Variants in RTN4 observed in about 807,000 individuals in gnomAD.
RTN4 encodes the protein reticulon-4.
A neutral mutation model predicts 90.4 loss-of-function variants in RTN4; 32 were observed. The ratio of observed to expected loss-of-function variants is 0.35; its 90% CI spans 0.27 to 0.48. The LOEUF is 0.48. RTN4 is among the 20% of genes least tolerant of loss of function. The pLI, the probability that RTN4 is intolerant of heterozygous loss-of-function variation, is 0.99. For missense variants in RTN4, 1,706 were observed against 1,430.2 expected, an observed-to-expected ratio of 1.19 and a Z score of -3.11; for synonymous variants, 629 against 552.5, an observed-to-expected ratio of 1.14 and a Z score of -1.94.
At chr2:55,022,959 C>T (rs1216227270) in intron 3 of RTN4, among the ~76,000 whole-genome samples, 1 of 151,196 alleles carries the variant, frequency 6.6e-6, no homozygotes, top group Non-Finnish European at 1.5e-5. Context: ...CATTCTTTCT[C>T]TCCCCTACTT....
At chr2:55,049,418 C>G (rs1335386474) in intron 1 of RTN4, 1 of 358,156 alleles carries the variant, frequency 2.8e-6, no homozygotes, top group Non-Finnish European at 5.4e-6. Flanking sequence ...AACCCTGGCT[C>G]TCGGGTATAT....
chr2:55,086,627 A>C (rs1439355997), intron 1 of RTN4, among the ~76,000 whole-genome samples: 1 of 151,994 alleles, frequency 6.6e-6, no homozygotes, highest in Non-Finnish European at 1.5e-5. Context: ...CTGTGATCAC[A>C]CTACTGCACT....
chr2:55,083,184 T>C (rs1321314242), intron 1 of RTN4, among the ~76,000 whole-genome samples: 1 of 152,190 alleles, frequency 6.6e-6, no homozygotes, highest in African/African-American at 2.4e-5. Context: ...ATTGCTTGCT[T>C]ATAAATATAA....
chr2:55,010,032 A>C (rs565504543), intron 3 of RTN4: 1 of 1,567,094 alleles, frequency 6.4e-7, no homozygotes, highest in East Asian at 2.2e-5. Context: ...TATTCATAGA[A>C]ATATATTAGT....
chr2:54,978,431 CAAA>C (rs10718270), intron 5 of RTN4, among the ~76,000 whole-genome samples: 2,568 of 80,980 alleles, frequency 0.032, 35 homozygotes, highest in South Asian at 0.055. Flanking sequence ...ACTCTATCTC[CAAA>C]AAAAAAAAAA....
chr2:55,011,437 C>T, intron 3 of RTN4, among the ~76,000 whole-genome samples: 1 of 152,178 alleles, frequency 6.6e-6, no homozygotes, highest in South Asian at 2.1e-4. Flanking sequence ...TACTTATGTT[C>T]CACAATCAAT....
At chr2:54,992,163 C>T (rs1679062616) in intron 3 of RTN4, among the ~76,000 whole-genome samples, 1 of 152,086 alleles carries the variant, frequency 6.6e-6, no homozygotes, top group Non-Finnish European at 1.5e-5. Flanking sequence ...ATCTCTTAAA[C>T]AAACAAACAA....
intron 3 of RTN4, among the ~76,000 whole-genome samples, chr2:54,991,129 T>C (rs1678982898): frequency 6.6e-6 from 1 of 152,150 alleles, no homozygotes; most frequent in Non-Finnish European, 1.5e-5. Flanking sequence ...ATAAAAGTGG[T>C]TCTCAAACTG....
At chr2:55,125,730 C>T in the RTN4 span, among the ~76,000 whole-genome samples, 1 of 152,110 alleles carries the variant, frequency 6.6e-6, no homozygotes. Context: ...CTCACCAGTA[C>T]ACCCCAGCTT....
chr2:55,101,277 T>G (rs1246005286), intron 1 of RTN4, among the ~76,000 whole-genome samples: 2 of 152,112 alleles, frequency 1.3e-5, no homozygotes, highest in African/African-American at 4.8e-5. Context: ...TTATGAATAC[T>G]TATTACTTTT....
rs1217943656 is a variant in RTN4 at position 55,105,292 on chromosome 2, C to T, written c.-214+7228G>A. 2.9e-4 allele frequency among the ~76,000 whole-genome samples: 43 copies of T among 147,004 alleles called. 2 individuals carry two copies. Among genetic ancestry groups the T allele is most frequent in the Admixed American group, 2.1e-3 (30 of 14,568 alleles). ...TCACCCAAGCTGGAGTACAGTGGCA[C>T]GATCTTGGCTCACTGCAACCTCCAC... On this transcript the variant is annotated intron_variant, in intron 1 of 3. Transcript: ENST00000427710.
At chr2:55,054,010 T>A (rs1438380280), upstream of RTN4, among the ~76,000 whole-genome samples, 1 of 152,202 alleles carries the variant, frequency 6.6e-6, no homozygotes, top group Non-Finnish European at 1.5e-5. Flanking sequence ...ATTGGTACAA[T>A]GTACATTATT....
At chr2:54,996,969 T>A (rs536857200) in intron 3 of RTN4, among the ~76,000 whole-genome samples, 15 of 152,250 alleles carry the variant, frequency 9.9e-5, no homozygotes, top group African/African-American at 3.6e-4. Flanking sequence ...GACTTTGGAT[T>A]AGGCAATTGT....
rs1682965962 is a variant in RTN4 at position 55,040,021 on chromosome 2, T to C, written c.556+9724A>G. Reference sequence around the variant, plus strand: ...GAGAGAGGGTAAATGAGAAGGTATGTTGTAGGTGGCAGTTTCTCAGTCCTT... The same window carrying C: ...GAGAGAGGGTAAATGAGAAGGTATGCTGTAGGTGGCAGTTTCTCAGTCCTT... On this transcript the variant is annotated intron_variant, in intron 1 of 8. Transcript: ENST00000337526. 3.3e-5 allele frequency among the ~76,000 whole-genome samples: 5 copies of C among 152,156 alleles called. No homozygotes were observed. In the South Asian group the frequency reaches 8.3e-4, roughly 25 times the overall value.
Position 54,972,508 on chromosome 2 carries a change from T to TGGAACTACACATGTATA in RTN4, c.*631_*647dup, listed in dbSNP as rs1299101830. 1 of 152,658 alleles carries TGGAACTACACATGTATA rather than the reference T, an allele frequency of 6.6e-6. No individual in the cohort carries two copies. The highest frequency in any genetic ancestry group is 2.4e-5 in the African/African-American group (1 of 41,462). The allele number at this position is 152,658 out of a possible 1,614,324, so 9.5% of individuals were successfully genotyped here. A position where few individuals can be genotyped will look rare whatever the true frequency, so the allele number is the denominator to read the frequency against. ...ATTTCTTCTTCTAGCTTATGTGCTT[T>TGGAACTACACATGTATA]GGAACTACACATGTATAACCAATGA... On this transcript the variant is annotated 3_prime_UTR_variant, in exon 9 of 9. Coordinates refer to ENST00000337526, the MANE Select transcript of RTN4 (RefSeq NM_020532.5).
upstream of RTN4, among the ~76,000 whole-genome samples, chr2:55,054,607 T>C (rs1166491907): frequency 2.0e-5 from 3 of 152,176 alleles, no homozygotes; most frequent in African/African-American, 7.2e-5. Flanking sequence ...GGTATACTCT[T>C]GCCTACATAT....
the RTN4 span, among the ~76,000 whole-genome samples, chr2:55,121,202 T>C: frequency 6.0e-4 from 91 of 152,312 alleles, no homozygotes; most frequent in Middle Eastern, 0.014. Context: ...GACCAATGAA[T>C]GAGACAGTCA....
At chr2:55,057,166 A>G (rs538842333) in intron 2 of RTN4, among the ~76,000 whole-genome samples, 1 of 152,376 alleles carries the variant, frequency 6.6e-6, no homozygotes, top group Admixed American at 6.5e-5. Context: ...AGATGAATTT[A>G]CATACCTGAA....
intron 1 of RTN4, among the ~76,000 whole-genome samples, chr2:55,092,835 C>T (rs1306462293): frequency 6.6e-6 from 1 of 152,272 alleles, no homozygotes; most frequent in Non-Finnish European, 1.5e-5. Flanking sequence ...GAAGCGGCCC[C>T]AGGAAAATTC....
Sources: allele counts gnomAD v4.1 joint callset (sites outside exome capture counted in the v4.1 genomes callset), GRCh38; gene constraint gnomAD v4.1.1; transcripts MANE v1.5; gene names NCBI Gene and HGNC (gene_info 2026-07-23, HGNC 2026-07-21).